CCSER1: variants seen among roughly 807,000 people sequenced by gnomAD.
CCSER1 encodes the protein serine-rich coiled-coil domain-containing protein 1.
CCSER1 carries 41 observed loss-of-function variants against 82.0 expected under a neutral mutation model. The ratio of observed to expected loss-of-function variants is 0.50; its 90% CI spans 0.39 to 0.65. CCSER1 has a LOEUF of 0.65. CCSER1 is among the 30% of genes least tolerant of loss of function. The pLI, the probability that CCSER1 is intolerant of heterozygous loss-of-function variation, is 0.00. For missense variants in CCSER1, 1,119 were observed against 1,064.2 expected (o/e 1.05, Z -0.72); for synonymous variants, 414 against 383.9 (o/e 1.08, Z -0.92).
At chr4:90,255,072 T>G (rs1055018304) in intron 1 of CCSER1, among the ~76,000 whole-genome samples, 1 of 152,024 alleles carries the variant, frequency 6.6e-6, no homozygotes, top group African/African-American at 2.4e-5. Context: ...GTAATGGTCT[T>G]CTTTTTAATT....
chr4:91,276,048 G>A (rs1742411155), intron 10 of CCSER1, among the ~76,000 whole-genome samples: 1 of 151,900 alleles, frequency 6.6e-6, no homozygotes, highest in South Asian at 2.1e-4. Context: ...CCATTCTATT[G>A]TTATTACTCT....
At chr4:91,385,415 G>A (rs1208645821) in intron 10 of CCSER1, among the ~76,000 whole-genome samples, 1 of 151,998 alleles carries the variant, frequency 6.6e-6, no homozygotes, top group Non-Finnish European at 1.5e-5. Flanking sequence ...GAAAAGCTAA[G>A]CTGGTACACA....
intron 5 of CCSER1, among the ~76,000 whole-genome samples, chr4:90,530,722 G>C (rs1774395743): frequency 6.6e-6 from 1 of 152,146 alleles, no homozygotes; most frequent in African/African-American, 2.4e-5. Flanking sequence ...ACCCAGGACA[G>C]ATACAGTGCT....
chr4:90,960,446 C>T (rs1733948296), intron 9 of CCSER1, among the ~76,000 whole-genome samples: 1 of 152,168 alleles, frequency 6.6e-6, no homozygotes, highest in South Asian at 2.1e-4. Flanking sequence ...ATTTATTCTA[C>T]CCAGTCTACA....
chr4:90,533,686 C>T (rs1167333515), intron 5 of CCSER1, among the ~76,000 whole-genome samples: 1 of 152,224 alleles, frequency 6.6e-6, no homozygotes, highest in African/African-American at 2.4e-5. Context: ...TATTCCATTT[C>T]TGCATTTTCC....
chr4:90,793,714 T>A (rs1755595349), intron 7 of CCSER1, among the ~76,000 whole-genome samples: 1 of 152,198 alleles, frequency 6.6e-6, no homozygotes, highest in African/African-American at 2.4e-5. Flanking sequence ...CAAATGGTAT[T>A]TCTGTTTTTA....
chr4:90,463,557 G>T (rs1209465422), intron 4 of CCSER1, among the ~76,000 whole-genome samples: 1 of 152,118 alleles, frequency 6.6e-6, no homozygotes, highest in Non-Finnish European at 1.5e-5. Context: ...TCTTTTGCTA[G>T]GTTAAGCTTT....
chr4:90,923,618 A>G, intron 9 of CCSER1, 171 bp downstream of exon 9: 1 of 522,098 alleles, frequency 1.9e-6, no homozygotes, highest in Non-Finnish European at 3.4e-6. Context: ...ACTAAAAAAG[A>G]TGATTACAGG....
At chr4:91,052,398 A>G (rs938775653) in intron 9 of CCSER1, among the ~76,000 whole-genome samples, 2 of 152,064 alleles carry the variant, frequency 1.3e-5, no homozygotes, top group African/African-American at 4.8e-5. Flanking sequence ...TTACTCTTTA[A>G]TAGTAACTTA....
chr4:90,811,934 CAT>C (rs1445681593), intron 7 of CCSER1, among the ~76,000 whole-genome samples: 4 of 139,104 alleles, frequency 2.9e-5, no homozygotes, highest in Middle Eastern at 3.7e-3. Flanking sequence ...CACACACACA[CAT>C]ATATACACTT....
At chr4:91,051,453 T>TA (rs1742999968) in intron 9 of CCSER1, among the ~76,000 whole-genome samples, 1 of 152,158 alleles carries the variant, frequency 6.6e-6, no homozygotes, top group South Asian at 2.1e-4. Flanking sequence ...CACAAAATTT[T>TA]AAAAACCATT....
At chr4:90,446,820 C>T (rs1760724882) in intron 4 of CCSER1, among the ~76,000 whole-genome samples, 1 of 152,158 alleles carries the variant, frequency 6.6e-6, no homozygotes. Context: ...ACCGGCCTCT[C>T]CTCTTCCTCT....
Position 90,308,732 on chromosome 4 carries a change from A to G in CCSER1, c.448A>G (p.Asn150Asp). The change falls in exon 2 of 11, where the codon AAT (asparagine) becomes GAT (aspartate). Residue 150 changes from asparagine (N) to aspartate (D), a missense_variant. Physicochemically the swap from Asn to Asp is conservative, Grantham distance 23. Transcript: ENST00000509176. The part of the protein sequence containing the change: ...EHSTNKNVFI[N>D]CLSSGKSEGD... ...CTCAACTAACAAGAATGTCTTTATA[A>G]ATTGTCTAAGTTCTGGCAAAAGTGA... 6.2e-7 allele frequency: 1 copy of G among 1,613,728 alleles called. No individual in the cohort carries two copies. Among genetic ancestry groups the G allele is most frequent in the Non-Finnish European group, 8.5e-7 (1 of 1,179,810 alleles).
intron 10 of CCSER1, among the ~76,000 whole-genome samples, chr4:91,316,230 G>A (rs1034008790): frequency 5.9e-5 from 9 of 151,916 alleles, no homozygotes; most frequent in Non-Finnish European, 1.3e-4. Flanking sequence ...TTAGCAGCGT[G>A]AGAATGAAAT....
At chr4:90,129,950 GTAT>G (rs1193816833) in intron 1 of CCSER1, among the ~76,000 whole-genome samples, 1 of 152,118 alleles carries the variant, frequency 6.6e-6, no homozygotes, top group East Asian at 1.9e-4. Flanking sequence ...TTGATGAACT[GTAT>G]TATTGCAATC....
chr4:90,274,622 T>C (rs1307128861), intron 1 of CCSER1, among the ~76,000 whole-genome samples: 2 of 152,280 alleles, frequency 1.3e-5, no homozygotes, highest in African/African-American at 4.8e-5. Context: ...ATTTTAGATA[T>C]GTCTACGAGA....
At chr4:90,989,483 T>C (rs1017584727) in intron 9 of CCSER1, among the ~76,000 whole-genome samples, 4 of 151,402 alleles carry the variant, frequency 2.6e-5, no homozygotes, top group Non-Finnish European at 5.9e-5. Context: ...TTAGAAAAAA[T>C]AGGTAAAGTA....
chr4:90,710,097 G>A (rs993387205), intron 6 of CCSER1, among the ~76,000 whole-genome samples: 1 of 152,070 alleles, frequency 6.6e-6, no homozygotes, highest in Non-Finnish European at 1.5e-5. Context: ...TTTGAGAAGT[G>A]TCTATGCAAG....
intron 3 of CCSER1, among the ~76,000 whole-genome samples, chr4:90,377,306 T>C (rs1171516169): frequency 2.0e-5 from 3 of 152,202 alleles, no homozygotes; most frequent in African/African-American, 7.2e-5. Context: ...GGGATTCTAT[T>C]CCACCAACAT....
Sources: gnomAD v4.1 joint callset for allele counts (sites outside exome capture counted in the v4.1 genomes callset) on GRCh38, gnomAD v4.1.1 for gene constraint, MANE v1.5 for transcripts, NCBI Gene and HGNC (gene_info 2026-07-23, HGNC 2026-07-21) for gene names.